ELP1: variants seen among roughly 807,000 people sequenced by gnomAD.
ELP1 encodes elongator complex protein 1.
In ELP1, 131 loss-of-function variants were observed where a neutral mutation model predicts 183.2. That is an observed-to-expected ratio of 0.72 (90% confidence interval 0.62 to 0.83). The LOEUF (loss-of-function observed/expected upper bound fraction) is 0.83, where lower values mean the gene tolerates loss of function less well. Among genes scored for constraint, ELP1 ranks in the 40% least tolerant of loss-of-function variants. ELP1 has a pLI of 0.00. For synonymous variants in ELP1, 555 were observed against 569.0 expected (o/e 0.98, Z 0.35); for missense variants, 1,550 against 1,594.9 (o/e 0.97, Z 0.48).
At chr9:108,883,834 A>T (rs953557705) in intron 29 of ELP1, among the ~76,000 whole-genome samples, 2 of 152,160 alleles carry the variant, frequency 1.3e-5, no homozygotes, top group Non-Finnish European at 2.9e-5. Context: ...AAAATACTAA[A>T]TCCAAAGGAA....
intron 3 of ELP1, among the ~76,000 whole-genome samples, chr9:108,929,080 T>C (rs1307202320): frequency 6.6e-6 from 1 of 152,258 alleles, no homozygotes; most frequent in Non-Finnish European, 1.5e-5. Flanking sequence ...TGATAGTTAA[T>C]AAATGTAAGC....
At chr9:108,889,209 G>A in intron 29 of ELP1, 123 bp downstream of exon 29, 2 of 933,716 alleles carry the variant, frequency 2.1e-6, no homozygotes, top group South Asian at 2.6e-5. Flanking sequence ...GACCTCTGGG[G>A]CAAACACTAT....
rs1416899 is a variant in ELP1 at position 108,879,247 on chromosome 9, G to A, written c.3572+199C>T. Among the ~76,000 whole-genome samples the A allele has an allele frequency of 0.89, 135,847 of 152,236 alleles. 60,821 individuals are homozygous for A. Among genetic ancestry groups the A allele is most frequent in the African/African-American group, 0.94 (38,940 of 41,544 alleles). Reference sequence around the variant, plus strand: ...GAATGGGAAAACACACAAGCCACAAGGCTGAGGAAGAAAACCTTCCAATGC... The same window carrying A: ...GAATGGGAAAACACACAAGCCACAAAGCTGAGGAAGAAAACCTTCCAATGC... On this transcript the variant is annotated intron_variant, in intron 33 of 36. Coordinates refer to ENST00000374647, the MANE Select transcript of ELP1 (RefSeq NM_003640.5).
chr9:108,919,301 G>A lies in ELP1; in HGVS notation c.601C>T (p.Arg201Trp), dbSNP rs773117166. The change falls in exon 7 of 37, where the codon CGG becomes TGG. Residue 201 changes from arginine (R) to tryptophan (W), a missense_variant. Arg to Trp is a moderately radical substitution (Grantham distance 101, BLOSUM62 -3). Transcript: ENST00000374647. ...WDDHRPQVTWRGDGQFFAVSV... is the reference protein window; with the variant it reads ...WDDHRPQVTWWGDGQFFAVSV... ...ACAGCAAAAAACTGTCCATCCCCCC[G>A]CCAGGTAACTTGTGGTCTATGGTCA... The A allele has an allele frequency of 5.6e-6, 9 of 1,613,338 alleles. No homozygotes were observed. Among genetic ancestry groups the A allele is most frequent in the African/African-American group, 1.3e-5 (1 of 74,750 alleles).
chr9:108,896,040 G>A (rs1181474660), intron 25 of ELP1, among the ~76,000 whole-genome samples: 5 of 152,154 alleles, frequency 3.3e-5, no homozygotes, highest in East Asian at 3.9e-4. Flanking sequence ...GGCGGATCAC[G>A]AGGTCAGGAG....
chr9:108,869,053 G>A lies in ELP1; in HGVS notation c.*62C>T. ...GCCAGCCCTCAAAGAGCAAGGGGTGGTAGGACAACAGGAATGAGTGGAAAT... is the reference window on the plus strand; with the variant it reads ...GCCAGCCCTCAAAGAGCAAGGGGTGATAGGACAACAGGAATGAGTGGAAAT... On this transcript the variant is annotated 3_prime_UTR_variant, in exon 37 of 37. Transcript: ENST00000374647. 1 of 1,418,496 alleles carries A rather than the reference G, an allele frequency of 7.0e-7. No individual in the cohort carries two copies. The highest frequency in any genetic ancestry group is 1.0e-6 in the Non-Finnish European group (1 of 1,001,316). 87.9% of individuals were successfully genotyped at this position (1,418,496 alleles called of 1,614,324 possible). A position where few individuals can be genotyped will look rare whatever the true frequency, so the allele number is the denominator to read the frequency against.
chr9:108,906,446 C>T lies in ELP1; in HGVS notation c.1500G>A (p.Pro500=), dbSNP rs749837963. The change falls in exon 14 of 37, where the codon CCG becomes CCA. Residue 500 remains proline (P), a synonymous_variant. Transcript: ENST00000374647. The part of the protein sequence containing the change: ...FENNEDQDVN[P]LKLGLLTWIE... ...TCCAAGTGAGAAGGCCTAGTTTCAG[C>T]GGGTTTACATCTTGATCTTCATTAT... is the stretch of plus-strand genomic sequence containing the variant. The T allele has an allele frequency of 1.9e-6, 3 of 1,613,890 alleles. No individual in the cohort carries two copies. In the South Asian group the frequency reaches 3.3e-5, roughly 18 times the overall value.
intron 7 of ELP1, 65 bp from the exon 8 acceptor site, chr9:108,918,966 A>G (rs1829548205): frequency 1.7e-6 from 2 of 1,199,858 alleles, no homozygotes; most frequent in East Asian, 4.7e-5. Context: ...TTGTCAATTC[A>G]GAACTATTCA....
intron 36 of ELP1, among the ~76,000 whole-genome samples, chr9:108,869,617 GAAC>G (rs1564204479): frequency 6.6e-6 from 1 of 152,104 alleles, no homozygotes; most frequent in African/African-American, 2.4e-5. Context: ...TAATGGACAG[GAAC>G]TACTTTATGA....
At chr9:108,923,665 C>T (rs1829734993) in intron 5 of ELP1, among the ~76,000 whole-genome samples, 1 of 152,218 alleles carries the variant, frequency 6.6e-6, no homozygotes, top group Non-Finnish European at 1.5e-5. Flanking sequence ...AACAGCTCCT[C>T]ACATAGACTT....
intron 25 of ELP1, 139 bp downstream of exon 25, chr9:108,896,357 C>T: frequency 1.3e-6 from 1 of 775,384 alleles, no homozygotes; most frequent in Middle Eastern, 3.6e-4. Flanking sequence ...AATGTGGGCC[C>T]TAGAAACTCA....
rs761896714 is a variant in ELP1, at chr9:108,881,726, C to T, written c.3325G>A (p.Val1109Ile). 9 of 1,581,530 alleles carry T rather than the reference C, an allele frequency of 5.7e-6. No individual in the cohort carries two copies. The East Asian group carries it at 6.7e-5, about 12-fold the overall frequency. ...YNRLDIIETN[V>I]KPSILEAQKN... ...TCACCTTCTAAAATGGAAGGCTTTA[C>T]GTTGGTTTCTATAATATCCAGTCTG... is the stretch of plus-strand genomic sequence containing the variant. Residue 1109 changes from valine to isoleucine, a missense_variant, in exon 31 of 37, where the codon GTA (valine) becomes ATA (isoleucine). By Grantham distance (29) the Val-to-Ile change is conservative. Transcript: ENST00000374647.
intron 10 of ELP1, among the ~76,000 whole-genome samples, chr9:108,913,734 G>A (rs1829321232): frequency 6.6e-6 from 1 of 152,020 alleles, no homozygotes; most frequent in Non-Finnish European, 1.5e-5. Flanking sequence ...GGCAACCTCT[G>A]CCTCCCAGTT....
chr9:108,927,965 T>C (rs921665150), intron 3 of ELP1, among the ~76,000 whole-genome samples: 1 of 152,186 alleles, frequency 6.6e-6, no homozygotes, highest in African/African-American at 2.4e-5. Context: ...AGACCTGCTA[T>C]TTGATAGCAC....
Position 108,918,885 on chromosome 9 carries a change from T to A in ELP1, c.666A>T (p.Arg222Ser), listed in dbSNP as rs1190729400. The A allele has an allele frequency of 6.2e-7, 1 of 1,614,056 alleles. No homozygotes were observed. The highest frequency in any genetic ancestry group is 1.7e-5 in the Admixed American group (1 of 60,016). The change falls in exon 8 of 37, where the codon AGA becomes AGT. Residue 222 changes from arginine (R) to serine (S), a missense_variant. Physicochemically the swap from Arg to Ser is moderately radical, Grantham distance 110. Coordinates refer to ENST00000374647, the MANE Select transcript of ELP1 (RefSeq NM_003640.5). Reference protein sequence around the residue: ...VCPETGARKVRVWNREFALQS... With the variant: ...VCPETGARKVSVWNREFALQS... ...GCAAAGCAAACTCTCGGTTCCACACTCTGACCTTCCGAGCCCCTGTGCGGG... is the reference window on the plus strand; with the variant it reads ...GCAAAGCAAACTCTCGGTTCCACACACTGACCTTCCGAGCCCCTGTGCGGG...
At chr9:108,906,583 T>C (rs1829030093) in intron 13 of ELP1, 98 bp from the exon 14 acceptor site, 1 of 932,538 alleles carries the variant, frequency 1.1e-6, no homozygotes, top group Non-Finnish European at 1.7e-6. Flanking sequence ...TTGTATACAG[T>C]CCACTCCTAA....
chr9:108,869,826 A>G (rs1049507975), intron 36 of ELP1, among the ~76,000 whole-genome samples: 5 of 152,220 alleles, frequency 3.3e-5, no homozygotes, highest in African/African-American at 1.2e-4. Context: ...ATGTATATAT[A>G]AGGATTTTCT....
At chr9:108,891,123 T>G in intron 28 of ELP1, 80 bp downstream of exon 28, 1 of 1,411,704 alleles carries the variant, frequency 7.1e-7, no homozygotes, top group Non-Finnish European at 1.0e-6. Flanking sequence ...TGCCCTAAAT[T>G]TATTTGCAAA....
Position 108,901,664 on chromosome 9 carries a change from C to A in ELP1, c.1872G>T (p.Leu624=). 6.2e-7 allele frequency: 1 copy of A among 1,614,172 alleles called. No individual in the cohort carries two copies. Among genetic ancestry groups the A allele is most frequent in the South Asian group, 1.1e-5 (1 of 91,078 alleles). The change falls in exon 17 of 37, where the codon CTG becomes CTT. Residue 624 remains leucine (L), a synonymous_variant. Coordinates refer to ENST00000374647, the MANE Select transcript of ELP1 (RefSeq NM_003640.5). ...TGATGAAAAAGCGACACCTGTCAGT[C>A]AGACCAAGGACACATTCCTGCAAAG... ...MIGEEECVLG[L]TDRCRFFIND... is the part of the protein sequence containing the mutation.
Sources: allele counts gnomAD v4.1 joint callset (sites outside exome capture counted in the v4.1 genomes callset), GRCh38; gene constraint gnomAD v4.1.1; transcripts MANE v1.5; gene names NCBI Gene and HGNC (gene_info 2026-07-23, HGNC 2026-07-21).